FAF1: variants seen among roughly 807,000 people sequenced by gnomAD.
FAF1 encodes the protein Fas associated factor 1, also known as FAS-associated factor 1.
FAF1 carries 25 observed loss-of-function variants against 92.5 expected under a neutral mutation model. That is an observed-to-expected ratio of 0.27 (90% CI 0.20 to 0.38). FAF1 has a LOEUF of 0.38. FAF1 is among the 10% of genes least tolerant of loss of function. FAF1 has a pLI of 1.00. For synonymous variants in FAF1, 234 were observed against 273.2 expected (o/e 0.86, Z 1.42); for missense variants, 636 against 793.3 (o/e 0.80, Z 2.38).
At chr1:50,820,000 G>C (rs1644029035) in intron 2 of FAF1, among the ~76,000 whole-genome samples, 1 of 151,280 alleles carries the variant, frequency 6.6e-6, no homozygotes, top group Non-Finnish European at 1.5e-5. Flanking sequence ...CCATTAGCTA[G>C]TATAGCAATC....
At chr1:50,841,347 T>G (rs1411571967) in intron 2 of FAF1, among the ~76,000 whole-genome samples, 1 of 151,978 alleles carries the variant, frequency 6.6e-6, no homozygotes, top group Non-Finnish European at 1.5e-5. Context: ...TTGGTATGTA[T>G]GTACACATGC....
chr1:50,544,798 G>A (rs1189808398), intron 13 of FAF1, among the ~76,000 whole-genome samples: 2 of 152,088 alleles, frequency 1.3e-5, no homozygotes, highest in African/African-American at 2.4e-5. Context: ...TCAATGAAAC[G>A]CTGACATTTG....
chr1:50,448,937 C>CTT (rs61654181), intron 18 of FAF1, among the ~76,000 whole-genome samples: 8 of 124,556 alleles, frequency 6.4e-5, no homozygotes, highest in Admixed American at 2.5e-4. Context: ...AGGGTCACAG[C>CTT]TTTTTTTTTT....
intron 2 of FAF1, among the ~76,000 whole-genome samples, chr1:50,830,599 T>C (rs997468860): frequency 6.6e-6 from 1 of 152,306 alleles, no homozygotes; most frequent in Admixed American, 6.5e-5. Flanking sequence ...TGAATAGAAT[T>C]TGTTATTAGT....
At chr1:50,864,738 T>C (rs915402291) in intron 1 of FAF1, among the ~76,000 whole-genome samples, 3 of 152,150 alleles carry the variant, frequency 2.0e-5, no homozygotes, top group African/African-American at 7.2e-5. Context: ...ATAAAAACCC[T>C]AGAAGAAAAC....
At chr1:50,755,540 C>A (rs539077937) in intron 4 of FAF1, among the ~76,000 whole-genome samples, 1 of 152,300 alleles carries the variant, frequency 6.6e-6, no homozygotes, top group African/African-American at 2.4e-5. Context: ...GTGGATCTAC[C>A]ATTCTGGGGT....
At chr1:50,532,231 A>G (rs984298124) in intron 15 of FAF1, among the ~76,000 whole-genome samples, 2 of 152,180 alleles carry the variant, frequency 1.3e-5, no homozygotes, top group African/African-American at 4.8e-5. Flanking sequence ...TTTCAATTAT[A>G]TGGAGCATTG....
At chr1:50,846,368 C>T in intron 2 of FAF1, 4 of 310,674 alleles carry the variant, frequency 1.3e-5, no homozygotes, top group Non-Finnish European at 2.5e-5. Flanking sequence ...CAGGAGACGT[C>T]AGGCCCGGCC....
chr1:50,562,460 C>T (rs1649967469), intron 13 of FAF1, among the ~76,000 whole-genome samples: 1 of 152,148 alleles, frequency 6.6e-6, no homozygotes, highest in Admixed American at 6.5e-5. Flanking sequence ...GCTTTAAACA[C>T]CAATGCCCTT....
chr1:50,856,200 A>G (rs966481581), intron 2 of FAF1, among the ~76,000 whole-genome samples: 4 of 151,786 alleles, frequency 2.6e-5, no homozygotes, highest in African/African-American at 7.2e-5. Context: ...CCTTTCCTCT[A>G]TTCCATATCC....
At chr1:50,603,321 A>C (rs1240371216) in intron 8 of FAF1, among the ~76,000 whole-genome samples, 1 of 152,230 alleles carries the variant, frequency 6.6e-6, no homozygotes, top group Non-Finnish European at 1.5e-5. Flanking sequence ...ACAACCTTAG[A>C]GTAGTGGAGT....
At chr1:50,934,124 T>TCAA (rs1205360640) in intron 1 of FAF1, among the ~76,000 whole-genome samples, 6 of 152,354 alleles carry the variant, frequency 3.9e-5, no homozygotes, top group African/African-American at 1.4e-4. Context: ...TTATTAGTGG[T>TCAA]TGTTCTCAGA....
intron 4 of FAF1, among the ~76,000 whole-genome samples, chr1:50,749,721 GAGGC>G (rs1268798150): frequency 1.3e-5 from 2 of 151,912 alleles, no homozygotes; most frequent in African/African-American, 4.8e-5. Flanking sequence ...CCAGGAGATG[GAGGC>G]TGCAGTGAGC....
chr1:50,649,501 T>C (rs11205751), intron 8 of FAF1, among the ~76,000 whole-genome samples: 68,660 of 152,018 alleles, frequency 0.45, 16,616 homozygotes, highest in African/African-American at 0.59. Context: ...TGTAAATTAT[T>C]TCACATTCTC....
intron 1 of FAF1, among the ~76,000 whole-genome samples, chr1:50,881,418 C>G (rs768755775): frequency 6.6e-6 from 1 of 152,044 alleles, no homozygotes; most frequent in Non-Finnish European, 1.5e-5. Context: ...CCTGAAAGAC[C>G]GAAAACTTAA....
intron 6 of FAF1, among the ~76,000 whole-genome samples, chr1:50,717,987 C>A (rs948982970): frequency 2.4e-4 from 34 of 138,940 alleles, no homozygotes; most frequent in Admixed American, 2.9e-4. Flanking sequence ...AAATACAATC[C>A]TTTATTTATT....
intron 7 of FAF1, among the ~76,000 whole-genome samples, chr1:50,705,072 A>T (rs1657617603): frequency 6.6e-6 from 1 of 152,230 alleles, no homozygotes; most frequent in South Asian, 2.1e-4. Flanking sequence ...GGTGTAATGC[A>T]ACATAGTCAT....
rs147647466 is a variant in FAF1, at chr1:50,885,295, T to TTCTCTCTCTCTC, written c.46-27310_46-27299dup. Among the ~76,000 whole-genome samples the TTCTCTCTCTCTC allele has an allele frequency of 7.6e-4, 105 of 137,388 alleles. 3 individuals carry two copies. Among genetic ancestry groups the TTCTCTCTCTCTC allele is most frequent in the African/African-American group, 1.9e-3 (66 of 34,262 alleles). The allele number at this position is 137,388 out of a possible 152,430, so 90.1% of individuals were successfully genotyped here. Reference sequence around the variant, plus strand: ...GGTTTCCCATTCTCTCCGTGTCTCTTTCTCTCTCTCTCTCTCTCACACACA... The same window carrying TTCTCTCTCTCTC: ...GGTTTCCCATTCTCTCCGTGTCTCTTTCTCTCTCTCTCTCTCTCTCTCTCTCTCTCACACACA... On this transcript the variant is annotated intron_variant, in intron 1 of 18. Transcript: ENST00000396153.
chr1:50,769,436 T>C (rs893973992), intron 4 of FAF1, among the ~76,000 whole-genome samples: 3 of 152,184 alleles, frequency 2.0e-5, no homozygotes, highest in Non-Finnish European at 4.4e-5. Flanking sequence ...CCTCCCTAAC[T>C]CATTTTATGA....
Sources: allele counts gnomAD v4.1 joint callset (sites outside exome capture counted in the v4.1 genomes callset), GRCh38; gene constraint gnomAD v4.1.1; transcripts MANE v1.5; gene names NCBI Gene and HGNC (gene_info 2026-07-23, HGNC 2026-07-21).